Variants in USP10 observed in about 807,000 individuals in gnomAD.
The protein encoded by USP10 is ubiquitin specific peptidase 10, also known as ubiquitin carboxyl-terminal hydrolase 10.
In USP10, 22 loss-of-function variants were observed where a neutral mutation model predicts 84.5. That is an observed-to-expected ratio of 0.26 (90% confidence interval 0.19 to 0.37). USP10 has a LOEUF of 0.37. Ranked by LOEUF, USP10 falls within the 10% of genes least tolerant of loss-of-function variation. The pLI is 1.00. For synonymous variants in USP10, 454 were observed against 387.6 expected (o/e 1.17, Z -2.01); for missense variants, 1,019 against 998.9 (o/e 1.02, Z -0.27).
At chr16:84,730,834 C>T (rs915380839) in intron 1 of USP10, among the ~76,000 whole-genome samples, 2 of 151,944 alleles carry the variant, frequency 1.3e-5, no homozygotes, top group Non-Finnish European at 2.9e-5. Flanking sequence ...AGGAAGAAAA[C>T]CTTCCTAAAG....
At chr16:84,707,732 T>G (rs968160106) in intron 1 of USP10, among the ~76,000 whole-genome samples, 8 of 152,208 alleles carry the variant, frequency 5.3e-5, no homozygotes, top group African/African-American at 1.9e-4. Context: ...ATTGTGGAAG[T>G]GCTGCCACAA....
intron 1 of USP10, among the ~76,000 whole-genome samples, chr16:84,726,482 C>T (rs1461117832): frequency 6.6e-6 from 1 of 152,228 alleles, no homozygotes; most frequent in East Asian, 1.9e-4. Flanking sequence ...CCCCTGAGGG[C>T]CGTAGTGGCC....
In USP10 at chr16:84,768,286, A is replaced by G; in HGVS notation, c.1926A>G (p.Thr642=). ...QLDIQSDKIR[T]VQDALESLVA... is the part of the protein sequence containing the mutation. ...ATATCCAGTCAGACAAGATACGCAC[A>G]GTCCAGGATGCACTGGAGAGCTTGG... Residue 642 remains threonine (T), a synonymous_variant, in exon 11 of 14, where the codon ACA becomes ACG. Transcript: ENST00000219473. 1.2e-6 allele frequency: 2 copies of G among 1,609,136 alleles called. No individual in the cohort carries two copies. The highest frequency in any genetic ancestry group is 1.1e-5 in the South Asian group (1 of 89,848).
rs113716260 is a variant in USP10, at chr16:84,778,091, C to CTGTGTG, written c.2210-782_2210-777dup. Among the ~76,000 whole-genome samples the CTGTGTG allele has an allele frequency of 5.8e-3, 833 of 143,526 alleles. 8 individuals carry two copies. The highest frequency in any genetic ancestry group is 0.017 in the African/African-American group (677 of 38,890). The allele number at this position is 143,526 out of a possible 152,430, so 94.2% of individuals were successfully genotyped here. ...TAGGATTTTTTTTTTAAGTAAATAA[C>CTGTGTG]TGTGTGTGTGTGTGTGTGTGTGTGT... On this transcript the variant is annotated intron_variant, in intron 13 of 13. Coordinates refer to ENST00000219473, the MANE Select transcript of USP10 (RefSeq NM_005153.3).
chr16:84,778,475 T>C (rs2150881867), intron 13 of USP10, among the ~76,000 whole-genome samples: 1 of 152,354 alleles, frequency 6.6e-6, no homozygotes, highest in African/African-American at 2.4e-5. Flanking sequence ...TTTTCACTGT[T>C]ATAAATGACA....
intron 1 of USP10, chr16:84,732,972 C>T (rs2150799854): frequency 4.8e-6 from 2 of 414,978 alleles, no homozygotes; most frequent in South Asian, 3.5e-5. Flanking sequence ...TTTTAAAGAT[C>T]ATTAATCAGG....
At chr16:84,757,402 GGT>G (rs58812391) in intron 4 of USP10, among the ~76,000 whole-genome samples, 116 of 82,854 alleles carry the variant, frequency 1.4e-3, no homozygotes, top group African/African-American at 3.4e-3. Flanking sequence ...GAGGGGTGGG[GGT>G]GTGTGTGTGT....
intron 2 of USP10, among the ~76,000 whole-genome samples, chr16:84,735,593 T>C (rs902106181): frequency 6.6e-6 from 1 of 152,166 alleles, no homozygotes; most frequent in Non-Finnish European, 1.5e-5. Flanking sequence ...GGAAATCAGC[T>C]AATGTATGGT....
chr16:84,775,647 A>G (rs1914931425), intron 13 of USP10, among the ~76,000 whole-genome samples: 1 of 152,048 alleles, frequency 6.6e-6, no homozygotes, highest in African/African-American at 2.4e-5. Flanking sequence ...CCCCACAGGT[A>G]TTGTTAGGGC....
Position 84,720,911 on chromosome 16 carries a change from T to G in USP10, c.22-12524T>G, listed in dbSNP as rs1004292574. Among the ~76,000 whole-genome samples the G allele has an allele frequency of 8.8e-5, 13 of 147,772 alleles. 1 individual carries two copies. Among genetic ancestry groups the G allele is most frequent in the African/African-American group, 2.5e-4 (10 of 39,850 alleles). Reference sequence around the variant, plus strand: ...ATGCACAATTTTTTTTTTTTTTTTTTGGGAAGGAGTCTCGCTCTTTTGCCC... The same window carrying G: ...ATGCACAATTTTTTTTTTTTTTTTTGGGGAAGGAGTCTCGCTCTTTTGCCC... On this transcript the variant is annotated intron_variant, in intron 1 of 13. Coordinates refer to ENST00000219473, the MANE Select transcript of USP10 (RefSeq NM_005153.3).
At chr16:84,773,576 A>G (rs1914672762) in intron 12 of USP10, among the ~76,000 whole-genome samples, 1 of 152,182 alleles carries the variant, frequency 6.6e-6, no homozygotes, top group African/African-American at 2.4e-5. Context: ...GCCTGCACAC[A>G]AGAGCTGTGC....
chr16:84,707,622 T>C (rs1044758303), intron 1 of USP10, among the ~76,000 whole-genome samples: 2 of 152,200 alleles, frequency 1.3e-5, no homozygotes, highest in African/African-American at 2.4e-5. Flanking sequence ...ATTGAAAACA[T>C]CCACTGAAGT....
intron 1 of USP10, among the ~76,000 whole-genome samples, chr16:84,710,591 A>G (rs1007843247): frequency 2.0e-5 from 3 of 152,162 alleles, no homozygotes; most frequent in Admixed American, 6.5e-5. Context: ...AAAAACAAGC[A>G]TCTGTCCCTT....
intron 1 of USP10, among the ~76,000 whole-genome samples, chr16:84,706,783 G>A (rs1472684241): frequency 6.6e-6 from 1 of 151,658 alleles, no homozygotes; most frequent in African/African-American, 2.4e-5. Flanking sequence ...CTCGGGATCT[G>A]CCCACCTCGG....
At chr16:84,700,192 C>A in intron 1 of USP10, 81 bp downstream of exon 1, 1 of 1,106,916 alleles carries the variant, frequency 9.0e-7, no homozygotes, top group South Asian at 3.4e-5. Flanking sequence ...GCGTCCGCGC[C>A]CTGCCCGGAG....
At chr16:84,736,870 G>A (rs1445334374) in intron 2 of USP10, among the ~76,000 whole-genome samples, 3 of 152,154 alleles carry the variant, frequency 2.0e-5, no homozygotes, top group Non-Finnish European at 4.4e-5. Flanking sequence ...CTCACTGCAA[G>A]CTCCGCCTCC....
intron 4 of USP10, among the ~76,000 whole-genome samples, chr16:84,755,795 CA>C (rs34780846): frequency 0.023 from 3,185 of 138,516 alleles, 87 homozygotes; most frequent in African/African-American, 0.071. Flanking sequence ...GAGACTGTCT[CA>C]AAAAAAAAAA....
intron 4 of USP10, among the ~76,000 whole-genome samples, chr16:84,757,443 G>GTGTGTGTT (rs1287681148): frequency 8.2e-5 from 12 of 145,910 alleles, no homozygotes; most frequent in African/African-American, 3.0e-4. Flanking sequence ...GTGTGTGTGT[G>GTGTGTGTT]TGTTTTGAAT....
intron 1 of USP10, among the ~76,000 whole-genome samples, chr16:84,717,747 T>C (rs1567595981): frequency 6.6e-6 from 1 of 152,178 alleles, no homozygotes; most frequent in African/African-American, 2.4e-5. Flanking sequence ...TCCTGAGTTA[T>C]GTGTGTTCAG....
Sources: allele counts gnomAD v4.1 joint callset (sites outside exome capture counted in the v4.1 genomes callset), GRCh38; gene constraint gnomAD v4.1.1; transcripts MANE v1.5; gene names NCBI Gene and HGNC (gene_info 2026-07-23, HGNC 2026-07-21).